NR2F2: variants seen among roughly 807,000 people sequenced by gnomAD.
NR2F2 encodes COUP transcription factor 2.
NR2F2 carries 2 observed loss-of-function variants against 34.8 expected under a neutral mutation model. The observed-to-expected ratio is 0.06, with a 90% confidence interval of 0.02 to 0.18. The LOEUF is 0.18. Among genes scored for constraint, NR2F2 ranks in the 10% least tolerant of loss-of-function variants. NR2F2 has a pLI of 1.00. For synonymous variants in NR2F2, 274 were observed against 251.8 expected, an observed-to-expected ratio of 1.09 and a Z score of -0.84; for missense variants, 300 against 580.1, an observed-to-expected ratio of 0.52 and a Z score of 4.96.
upstream of NR2F2, among the ~76,000 whole-genome samples, chr15:96,328,388 T>C (rs1209620410): frequency 6.6e-6 from 1 of 152,232 alleles, no homozygotes; most frequent in Non-Finnish European, 1.5e-5. Context: ...TAATCTGCTA[T>C]GGAAGTCTCA....
Position 96,332,194 on chromosome 15 carries a change from C to T in NR2F2, c.89C>T (p.Pro30Leu), listed in dbSNP as rs893850255. ...CAGGCCTCGCAGGCGCCGCCCGTGC[C>T]CGGCCCGCCGCCCGGCGCCCCGCAC... is the stretch of plus-strand genomic sequence containing the variant. ...GSQASQAPPVPGPPPGAPHTP... is the reference protein window; with the variant it reads ...GSQASQAPPVLGPPPGAPHTP... Residue 30 changes from proline (P) to leucine (L), a missense_variant, in exon 1 of 3, where the codon CCC (proline) becomes CTC (leucine). By Grantham distance (98) the Pro-to-Leu change is moderately conservative. Around this residue, in one of 6 missense-constraint regions of NR2F2, gnomAD observed 105 missense variants for 107.8 expected, o/e 0.97. Coordinates refer to ENST00000394166, the MANE Select transcript of NR2F2 (RefSeq NM_021005.4). The T allele has an allele frequency of 7.5e-7, 1 of 1,334,998 alleles. No homozygotes were observed. The highest frequency in any genetic ancestry group is 2.1e-5 in the South Asian group (1 of 47,986). The allele number at this position is 1,334,998 out of a possible 1,614,324, so 82.7% of individuals were successfully genotyped here. A position where few individuals can be genotyped will look rare whatever the true frequency, so the allele number is the denominator to read the frequency against.
chr15:96,333,882 G>T, intron 1 of NR2F2, 194 bp from the exon 2 acceptor site: 1 of 1,433,676 alleles, frequency 7.0e-7, no homozygotes, highest in Non-Finnish European at 9.1e-7. Flanking sequence ...CTGGCCCTCA[G>T]AGCTCGCCTG....
At chr15:96,330,432 C>G (rs1000396925), upstream of NR2F2, among the ~76,000 whole-genome samples, 3 of 139,824 alleles carry the variant, frequency 2.1e-5, no homozygotes, top group African/African-American at 7.6e-5. Flanking sequence ...CGCGGCCACC[C>G]CGTCCCCGCC....
rs1899422089 is a variant in NR2F2, at chr15:96,339,035, T to C, written c.*1413T>C. ...ATCTATGGTTTAGGAAGTGCCATAC[T>C]GATATAGTAAACCACCCCCATTCAC... On this transcript the variant is annotated 3_prime_UTR_variant, in exon 3 of 3. Transcript: ENST00000394166. The C allele has an allele frequency of 6.6e-6, 1 of 151,860 alleles. No individual in the cohort carries two copies. Among genetic ancestry groups the C allele is most frequent in the Non-Finnish European group, 1.5e-5 (1 of 67,978 alleles). The allele number at this position is 151,860 out of a possible 1,614,324, so 9.4% of individuals were successfully genotyped here.
In NR2F2 at chr15:96,338,755, T is replaced by C. The variant is rs1899409645; in HGVS notation, c.*1133T>C. The C allele has an allele frequency of 6.6e-6, 1 of 152,430 alleles. No individual in the cohort carries two copies. The highest frequency in any genetic ancestry group is 6.5e-5 in the Admixed American group (1 of 15,270). The allele number at this position is 152,430 out of a possible 1,614,324, so 9.4% of individuals were successfully genotyped here. On this transcript the variant is annotated 3_prime_UTR_variant, in exon 3 of 3. Transcript: ENST00000394166. ...TGAACTGTTTGGTCGAGTCTTTGTGTGTTATATTCCAAGGAAAATTGAAAG... is the reference window on the plus strand; with the variant it reads ...TGAACTGTTTGGTCGAGTCTTTGTGCGTTATATTCCAAGGAAAATTGAAAG...
chr15:96,328,544 T>C (rs1175448972), upstream of NR2F2, among the ~76,000 whole-genome samples: 1 of 152,242 alleles, frequency 6.6e-6, no homozygotes, highest in East Asian at 1.9e-4. Context: ...TTTGTAACAT[T>C]AGCAATTCCT....
chr15:96,330,484 C>G (rs1172403943), upstream of NR2F2, among the ~76,000 whole-genome samples: 1 of 141,236 alleles, frequency 7.1e-6, no homozygotes, highest in Non-Finnish European at 1.6e-5. Context: ...GCCGCGCCGG[C>G]GACGCCGCTC....
chr15:96,333,426 G>T (rs1899214734), intron 1 of NR2F2: 2 of 1,002,394 alleles, frequency 2.0e-6, no homozygotes, highest in African/African-American at 3.5e-5. Context: ...GCTAGTGCCG[G>T]CCGCCTGCTC....
intron 1 of NR2F2, 164 bp downstream of exon 1, chr15:96,332,711 C>CGTCT: frequency 7.1e-7 from 1 of 1,405,074 alleles, no homozygotes; most frequent in Non-Finnish European, 9.4e-7. Context: ...GAACCCAGAC[C>CGTCT]CCAAATCCGC....
In NR2F2 at chr15:96,331,686, G is replaced by A. The variant is rs1324025912; in HGVS notation, c.-420G>A. The A allele has an allele frequency of 1.8e-6, 2 of 1,096,156 alleles. No individual in the cohort carries two copies. Among genetic ancestry groups the A allele is most frequent in the South Asian group, 4.7e-5 (1 of 21,054 alleles). The allele number at this position is 1,096,156 out of a possible 1,614,324, so 67.9% of individuals were successfully genotyped here. A position where few individuals can be genotyped will look rare whatever the true frequency, so the allele number is the denominator to read the frequency against. On this transcript the variant is annotated 5_prime_UTR_variant, in exon 1 of 3. Transcript: ENST00000394166. ...AGAGTGAGAGCGAGCGAGATCTTTG[G>A]AGAGATTTTTTTTTTTGCCTCCTAC...
In NR2F2 at chr15:96,338,500, T is replaced by C. The variant is rs1899400347; in HGVS notation, c.*878T>C. On this transcript the variant is annotated 3_prime_UTR_variant, in exon 3 of 3. Coordinates refer to ENST00000394166, the MANE Select transcript of NR2F2 (RefSeq NM_021005.4). ...GTCCCGCTTAGTTCTTGAATTGTTA[T>C]GAAAATCCTATATCTGTTTGTATAT... is the stretch of plus-strand genomic sequence containing the variant. 6.6e-6 allele frequency: 1 copy of C among 152,668 alleles called. No individual in the cohort carries two copies. The highest frequency in any genetic ancestry group is 1.5e-5 in the Non-Finnish European group (1 of 68,048). The allele number at this position is 152,668 out of a possible 1,614,324, so 9.5% of individuals were successfully genotyped here. A position where few individuals can be genotyped will look rare whatever the true frequency, so the allele number is the denominator to read the frequency against.
intron 2 of NR2F2, among the ~76,000 whole-genome samples, chr15:96,336,671 A>AG (rs1053454578): frequency 2.0e-5 from 3 of 151,792 alleles, no homozygotes; most frequent in East Asian, 1.9e-4. Context: ...TAAAAAATAA[A>AG]GGGGGGTAGG....
chr15:96,326,068 C>T, upstream of NR2F2: 1 of 585,856 alleles, frequency 1.7e-6, no homozygotes, highest in East Asian at 2.8e-5. The surrounding 1 kb of genome is among the most constrained non-coding windows in gnomAD (Gnocchi z 5.5). Flanking sequence ...GCAGGGTTTT[C>T]CAAGGCTGAG....
Position 96,337,683 on chromosome 15 carries a change from TG to T in NR2F2, c.*62del. ...AGAAAAGGCAAAAGACTGGTTTGTT[TG>T]CTTAATTTCCTTCTGTTAAGAAAGG... is the stretch of plus-strand genomic sequence containing the variant. On this transcript the variant is annotated 3_prime_UTR_variant, in exon 3 of 3. Coordinates refer to ENST00000394166, the MANE Select transcript of NR2F2 (RefSeq NM_021005.4). 2 of 1,526,244 alleles carry T rather than the reference TG, an allele frequency of 1.3e-6. No individual in the cohort carries two copies. The highest frequency in any genetic ancestry group is 1.8e-6 in the Non-Finnish European group (2 of 1,125,472). 94.5% of individuals were successfully genotyped at this position (1,526,244 alleles called of 1,614,324 possible).
Position 96,331,973 on chromosome 15 carries a change from C to T in NR2F2, c.-133C>T. The T allele has an allele frequency of 2.5e-6, 3 of 1,208,470 alleles. No homozygotes were observed. Among genetic ancestry groups the T allele is most frequent in the African/African-American group, 1.6e-5 (1 of 63,382 alleles). 74.9% of individuals were successfully genotyped at this position (1,208,470 alleles called of 1,614,324 possible). ...ACCAGCCCCCGAGCCACCCGGGGCG[C>T]CCTCCCGCGCCCTCTTGCACCCTCG... On this transcript the variant is annotated 5_prime_UTR_variant, in exon 1 of 3. Coordinates refer to ENST00000394166, the MANE Select transcript of NR2F2 (RefSeq NM_021005.4).
Position 96,331,347 on chromosome 15 carries a change from T to C in NR2F2, c.-759T>C. On this transcript the variant is annotated 5_prime_UTR_variant, in exon 1 of 3. The change abolishes an upstream ATG in the 5' untranslated region. Transcript: ENST00000394166. ...CAGCGCCCGACGCGGACCACTTTCATGCTGATTCCCCCGGACCCGGGCAGC... is the reference window on the plus strand; with the variant it reads ...CAGCGCCCGACGCGGACCACTTTCACGCTGATTCCCCCGGACCCGGGCAGC... The C allele has an allele frequency of 8.3e-7, 1 of 1,211,428 alleles. No individual in the cohort carries two copies. 75.0% of individuals were successfully genotyped at this position (1,211,428 alleles called of 1,614,324 possible). A position where few individuals can be genotyped will look rare whatever the true frequency, so the allele number is the denominator to read the frequency against.
At chr15:96,336,226 G>A (rs1159659730) in intron 2 of NR2F2, among the ~76,000 whole-genome samples, 1 of 152,202 alleles carries the variant, frequency 6.6e-6, no homozygotes, top group Non-Finnish European at 1.5e-5. Context: ...GGCCTGTGTG[G>A]AGAATGCAAA....
Position 96,331,530 on chromosome 15 carries a change from C to T in NR2F2, c.-576C>T. The T allele has an allele frequency of 8.1e-7, 1 of 1,229,148 alleles. No homozygotes were observed. Among genetic ancestry groups the T allele is most frequent in the East Asian group, 3.2e-5 (1 of 31,528 alleles). 76.1% of individuals were successfully genotyped at this position (1,229,148 alleles called of 1,614,324 possible). On this transcript the variant is annotated 5_prime_UTR_variant, in exon 1 of 3. Coordinates refer to ENST00000394166, the MANE Select transcript of NR2F2 (RefSeq NM_021005.4). ...GCCCTGGACTTGGCCCCCGGACAGT[C>T]GCCTCTCCTCCTCCTCTACCTCCTC...
At position 96,334,512 on chromosome 15, in the gene NR2F2, G is replaced by A. The variant is rs775659509; in HGVS notation, c.879G>A (p.Arg293=). The A allele has an allele frequency of 7.4e-6, 12 of 1,613,810 alleles. No individual in the cohort carries two copies. Among genetic ancestry groups the A allele is most frequent in the Non-Finnish European group, 1.0e-5 (12 of 1,180,028 alleles). The change falls in exon 2 of 3, where the codon CGG becomes CGA. Residue 293 remains arginine, a synonymous_variant. Transcript: ENST00000394166. ...TGGTCGCCTTTATGGACCACATACG[G>A]ATCTTCCAAGAGCAAGTGGAGAAGC... ...DRVVAFMDHI[R]IFQEQVEKLK...
Sources: allele counts gnomAD v4.1 joint callset (sites outside exome capture counted in the v4.1 genomes callset), GRCh38; gene constraint gnomAD v4.1.1; regional missense constraint gnomAD v4.1.1; non-coding constraint Gnocchi (gnomAD v3.1); transcripts MANE v1.5; gene names NCBI Gene and HGNC (gene_info 2026-07-23, HGNC 2026-07-21).